The following DIO1 variants were observed in gnomAD, a reference collection of about 807,000 sequenced individuals.
The protein encoded by DIO1 is type I iodothyronine deiodinase.
Under a neutral mutation model 25.9 loss-of-function variants are expected in DIO1, and 17 were observed. That is an observed-to-expected ratio of 0.66 (90% CI 0.45 to 0.98). DIO1 has a LOEUF of 0.98. DIO1 is among the 50% of genes least tolerant of loss of function. The pLI is 0.00. For synonymous variants in DIO1, 115 were observed against 114.0 expected (o/e 1.01, Z -0.05); for missense variants, 270 against 310.4 (o/e 0.87, Z 0.98).
At chr1:53,897,376 T>C (rs1426281817) in intron 1 of DIO1, among the ~76,000 whole-genome samples, 1 of 152,148 alleles carries the variant, frequency 6.6e-6, no homozygotes, top group Non-Finnish European at 1.5e-5. Context: ...CTCAGAAGGC[T>C]GAGGCATGAG....
chr1:53,903,503 C>T (rs1462808622), intron 1 of DIO1, among the ~76,000 whole-genome samples: 1 of 151,762 alleles, frequency 6.6e-6, no homozygotes, highest in Non-Finnish European at 1.5e-5. Flanking sequence ...CAAATAGCAA[C>T]TAAAAGACAC....
chr1:53,896,338 C>T (rs1490391931), intron 1 of DIO1, among the ~76,000 whole-genome samples: 1 of 151,270 alleles, frequency 6.6e-6, no homozygotes, highest in Admixed American at 6.6e-5. Flanking sequence ...CCACCTTAGC[C>T]TCCTTAGTAC....
rs1412400203 is a variant in DIO1 at position 53,910,303 on chromosome 1, T to C, written c.*304T>C. On this transcript the variant is annotated 3_prime_UTR_variant, in exon 4 of 4. Transcript: ENST00000361921. ...CACTGCTCCCACTTTGGAGACCACA[T>C]TCCCTGCACACGGTCTTTGAGAGAG... 5.4e-6 allele frequency: 2 copies of C among 371,670 alleles called. No individual in the cohort carries two copies. Among genetic ancestry groups the C allele is most frequent in the Non-Finnish European group, 1.0e-5 (2 of 196,538 alleles). The allele number at this position is 371,670 out of a possible 1,614,324, so 23.0% of individuals were successfully genotyped here.
In DIO1 at chr1:53,910,049, G is replaced by C; in HGVS notation, c.*50G>C. The C allele has an allele frequency of 6.5e-7, 1 of 1,534,610 alleles. No homozygotes were observed. The highest frequency in any genetic ancestry group is 9.0e-7 in the Non-Finnish European group (1 of 1,107,646). On this transcript the variant is annotated 3_prime_UTR_variant, in exon 4 of 4. Transcript: ENST00000361921. ...GTGACCAACGGGAGGGCTTCTCAAG[G>C]CTTAGCTCTCCCTGAGACCCAGCTG...
At chr1:53,900,808 C>T (rs1451719426) in intron 1 of DIO1, among the ~76,000 whole-genome samples, 2 of 151,730 alleles carry the variant, frequency 1.3e-5, no homozygotes, top group African/African-American at 2.4e-5. Flanking sequence ...GCCCAGGCGC[C>T]CATTTTCTCT....
At position 53,894,416 on chromosome 1, in the gene DIO1, A is replaced by G. The variant is rs1569682430; in HGVS notation, c.206A>G (p.Gln69Arg). The G allele has an allele frequency of 1.9e-6, 3 of 1,614,232 alleles. No individual in the cohort carries two copies. The highest frequency in any genetic ancestry group is 1.7e-6 in the Non-Finnish European group (2 of 1,180,044). ...TGGATACCAACCTTTTTCAGCACCC[A>G]GTATTTCTGGTTCGTCTTGAAGGTC... Reference protein sequence around the residue: ...DNWIPTFFSTQYFWFVLKVRW... With the variant: ...DNWIPTFFSTRYFWFVLKVRW... The change falls in exon 1 of 4, where the codon CAG (glutamine) becomes CGG (arginine). Residue 69 changes from glutamine to arginine, a missense_variant. Transcript: ENST00000361921. This position sits in a 1 kb window ranked among gnomAD's most constrained non-coding sequence, Gnocchi z 4.9.
intron 3 of DIO1, among the ~76,000 whole-genome samples, chr1:53,908,202 A>G (rs1193635373): frequency 6.6e-6 from 1 of 151,992 alleles, no homozygotes; most frequent in Non-Finnish European, 1.5e-5. Context: ...AGTCTTGGCA[A>G]CAGAGCGAGA....
chr1:53,900,804 G>A (rs967285175), intron 1 of DIO1, among the ~76,000 whole-genome samples: 3 of 151,686 alleles, frequency 2.0e-5, no homozygotes, highest in Non-Finnish European at 4.4e-5. Flanking sequence ...GCTAGCCCAG[G>A]CGCCCATTTT....
chr1:53,910,281 T>C lies in DIO1; in HGVS notation c.*282T>C. On this transcript the variant is annotated 3_prime_UTR_variant, in exon 4 of 4. Coordinates refer to ENST00000361921, the MANE Select transcript of DIO1 (RefSeq NM_000792.7). Reference sequence around the variant, plus strand: ...TGTTGAAGAAAGTAGAGCCTGACACTGCTCCCACTTTGGAGACCACATTCC... The same window carrying C: ...TGTTGAAGAAAGTAGAGCCTGACACCGCTCCCACTTTGGAGACCACATTCC... The C allele has an allele frequency of 2.4e-6, 1 of 419,420 alleles. No individual in the cohort carries two copies. The highest frequency in any genetic ancestry group is 4.4e-6 in the Non-Finnish European group (1 of 225,758). 26.0% of individuals were successfully genotyped at this position (419,420 alleles called of 1,614,324 possible). A position where few individuals can be genotyped will look rare whatever the true frequency, so the allele number is the denominator to read the frequency against.
chr1:53,898,582 T>G (rs1651198303), intron 1 of DIO1, among the ~76,000 whole-genome samples: 1 of 151,938 alleles, frequency 6.6e-6, no homozygotes, highest in Non-Finnish European at 1.5e-5. Context: ...CTGTCTCTAC[T>G]AAAAATACAA....
chr1:53,901,018 T>C (rs1651333180), intron 1 of DIO1, among the ~76,000 whole-genome samples: 1 of 116,576 alleles, frequency 8.6e-6, no homozygotes, highest in Non-Finnish European at 1.7e-5. Flanking sequence ...TTTTCAGAGA[T>C]AAGGTCTCAC....
At chr1:53,900,983 T>TA (rs1491217330) in intron 1 of DIO1, among the ~76,000 whole-genome samples, 20 of 6,552 alleles carry the variant, frequency 3.1e-3, no homozygotes, top group Admixed American at 0.013. Context: ...GCCAGCTAAC[T>TA]TTTTTTTTTT....
At chr1:53,900,799 C>T (rs1411442509) in intron 1 of DIO1, among the ~76,000 whole-genome samples, 1 of 151,988 alleles carries the variant, frequency 6.6e-6, no homozygotes, top group East Asian at 1.9e-4. Flanking sequence ...CACTAGCTAG[C>T]CCAGGCGCCC....
intron 1 of DIO1, among the ~76,000 whole-genome samples, chr1:53,901,829 T>A (rs1651383277): frequency 6.6e-6 from 1 of 151,430 alleles, no homozygotes; most frequent in South Asian, 2.1e-4. Flanking sequence ...AAGGCTGTAG[T>A]GTATTATGAT....
intron 1 of DIO1, among the ~76,000 whole-genome samples, chr1:53,898,632 C>G (rs985244175): frequency 2.0e-5 from 3 of 151,490 alleles, no homozygotes; most frequent in Non-Finnish European, 4.4e-5. Context: ...GTAATCCCAG[C>G]TCCTTGGGAG....
intron 3 of DIO1, among the ~76,000 whole-genome samples, chr1:53,909,091 CAAA>C (rs60546715): frequency 7.4e-6 from 1 of 135,190 alleles, no homozygotes. Context: ...GAGACTCTCT[CAAA>C]AAAAAAAAAG....
Position 53,894,700 on chromosome 1 carries a change from C to A in DIO1, c.337+153C>A, listed in dbSNP as rs1341691505. 6.6e-6 allele frequency among the ~76,000 whole-genome samples: 1 copy of A among 152,198 alleles called. No individual in the cohort carries two copies. The highest frequency in any genetic ancestry group is 2.4e-5 in the African/African-American group (1 of 41,448). On this transcript the variant is annotated intron_variant, in intron 1 of 3. Coordinates refer to ENST00000361921, the MANE Select transcript of DIO1 (RefSeq NM_000792.7). The surrounding 1 kb of genome is among the most constrained non-coding windows in gnomAD (Gnocchi z 4.9). ...TTCCTGCTTCCTGAAACTAGAACTTCTTGTGGATTGTTTCTCTAAGTAACA... is the reference window on the plus strand; with the variant it reads ...TTCCTGCTTCCTGAAACTAGAACTTATTGTGGATTGTTTCTCTAAGTAACA...
rs149919521 is a variant in DIO1 at position 53,906,106 on chromosome 1, T to A, written c.493T>A (p.Phe165Ile). Residue 165 changes from phenylalanine (F) to isoleucine (I), a missense_variant, in exon 3 of 4, where the codon TTT becomes ATT. By Grantham distance (21) the Phe-to-Ile change is conservative (BLOSUM62 0). Coordinates refer to ENST00000361921, the MANE Select transcript of DIO1 (RefSeq NM_000792.7). Reference protein sequence around the residue: ...EEAHASDGWAFKNNMDIRNHQ... With the variant: ...EEAHASDGWAIKNNMDIRNHQ... Reference sequence around the variant, plus strand: ...CCTTTCTCTTGTAGATGGCTGGGCTTTTAAGAACAACATGGACATCAGAAA... The same window carrying A: ...CCTTTCTCTTGTAGATGGCTGGGCTATTAAGAACAACATGGACATCAGAAA... 1.2e-6 allele frequency: 2 copies of A among 1,614,084 alleles called. No homozygotes were observed. Among genetic ancestry groups the A allele is most frequent in the Non-Finnish European group, 1.7e-6 (2 of 1,180,048 alleles).
chr1:53,906,369 C>A, intron 3 of DIO1, 75 bp downstream of exon 3: 1 of 1,327,530 alleles, frequency 7.5e-7, no homozygotes, highest in Non-Finnish European at 1.0e-6. Flanking sequence ...GAAGGCTTTG[C>A]ATCAAGCAGA....
Sources: gnomAD v4.1 joint callset for allele counts (sites outside exome capture counted in the v4.1 genomes callset) on GRCh38, gnomAD v4.1.1 for gene constraint, Gnocchi (gnomAD v3.1) non-coding constraint, MANE v1.5 for transcripts, NCBI Gene and HGNC (gene_info 2026-07-23, HGNC 2026-07-21) for gene names.